The following AVEN variants were observed in gnomAD, a reference collection of about 807,000 sequenced individuals.
AVEN encodes the protein cell death regulator Aven.
A neutral mutation model predicts 38.1 loss-of-function variants in AVEN; 41 were observed. The observed-to-expected ratio is 1.08, with a 90% CI of 0.84 to 1.40. The LOEUF is 1.40. Among genes scored for constraint, AVEN ranks in the 40% most tolerant of loss-of-function variants. The probability of loss-of-function intolerance (pLI) is 0.00; values close to 1 mark genes in which losing one functional copy is unlikely to be tolerated. For synonymous variants in AVEN, 206 were observed against 171.8 expected, an observed-to-expected ratio of 1.20 and a Z score of -1.56; for missense variants, 605 against 438.8, an observed-to-expected ratio of 1.38 and a Z score of -3.38.
chr15:34,054,142 C>T (rs150974134), intron 5 of AVEN, among the ~76,000 whole-genome samples: 413 of 152,266 alleles, frequency 2.7e-3, no homozygotes, highest in African/African-American at 9.2e-3. Flanking sequence ...CATCTCATGC[C>T]AGTGAGAATG....
chr15:34,021,212 G>A (rs982378335), intron 1 of AVEN, among the ~76,000 whole-genome samples: 7 of 151,666 alleles, frequency 4.6e-5, no homozygotes, highest in Admixed American at 2.0e-4. Context: ...TGGAGATGGA[G>A]TTTTGCTCTG....
chr15:34,018,328 A>G (rs912536007), intron 1 of AVEN: 2 of 152,246 alleles, frequency 1.3e-5, no homozygotes, highest in African/African-American at 4.8e-5. Context: ...GAAGCCGCAG[A>G]CCGTCGCGGT....
chr15:33,993,961 A>G (rs768647411), intron 2 of AVEN, among the ~76,000 whole-genome samples: 101 of 152,206 alleles, frequency 6.6e-4, no homozygotes, highest in Admixed American at 1.8e-3. Context: ...TATTCATTCC[A>G]CTATTAATGA....
chr15:33,859,113 A>G, intron 11 of AVEN: 1 of 155,958 alleles, frequency 6.4e-6, no homozygotes, highest in East Asian at 1.9e-4. Flanking sequence ...CAGGAGGAGC[A>G]GAAAAGTCCA....
At chr15:33,922,419 G>C (rs1893430043) in intron 2 of AVEN, among the ~76,000 whole-genome samples, 2 of 136,458 alleles carry the variant, frequency 1.5e-5, no homozygotes, top group Admixed American at 7.8e-5. Context: ...TGATTCTTGT[G>C]AATGTGATTT....
Position 33,966,451 on chromosome 15 carries a change from C to T in AVEN, c.445+36581G>A, listed in dbSNP as rs146343555. Among the ~76,000 whole-genome samples, 680 of 152,218 alleles carry T rather than the reference C, an allele frequency of 4.5e-3. 7 individuals are homozygous for T. Among genetic ancestry groups the T allele is most frequent in the African/African-American group, 0.015 (639 of 41,544 alleles). On this transcript the variant is annotated intron_variant, in intron 2 of 5. Transcript: ENST00000306730. ...ACACAAAGCTCCCAAATGTTCATGC[C>T]ATAACATGACGTATGACAAGAGATA...
intron 2 of AVEN, among the ~76,000 whole-genome samples, chr15:33,961,565 G>A (rs1401352618): frequency 1.3e-5 from 2 of 151,944 alleles, no homozygotes; most frequent in African/African-American, 2.4e-5. Context: ...TGTAATCCCA[G>A]CACTTTGGGA....
intron 3 of AVEN, among the ~76,000 whole-genome samples, chr15:33,872,413 A>C (rs1471749964): frequency 1.3e-5 from 2 of 152,190 alleles, no homozygotes; most frequent in Non-Finnish European, 2.9e-5. Context: ...CCTCCTCAGA[A>C]TCTACAGCAA....
At chr15:33,918,597 C>A (rs766094562) in intron 2 of AVEN, among the ~76,000 whole-genome samples, 1 of 150,072 alleles carries the variant, frequency 6.7e-6, no homozygotes, top group South Asian at 2.1e-4. Context: ...CAGCCTCCTG[C>A]GCACACCACC....
chr15:33,955,964 A>C (rs1223440479), intron 2 of AVEN, among the ~76,000 whole-genome samples: 1 of 152,226 alleles, frequency 6.6e-6, no homozygotes, highest in Non-Finnish European at 1.5e-5. Context: ...ATATCTTTAA[A>C]CTATAATTTG....
Position 34,063,171 on chromosome 15 carries a change from G to A in AVEN, n.1388C>T. The A allele has an allele frequency of 6.2e-7, 1 of 1,614,156 alleles. No individual in the cohort carries two copies. The highest frequency in any genetic ancestry group is 1.6e-4 in the Middle Eastern group (1 of 6,062). ...TCCGAAAAGGGCTGGCATCATGATTGGCTTGGCCTGGCTGATCTCCTTCAT... is the reference window on the plus strand; with the variant it reads ...TCCGAAAAGGGCTGGCATCATGATTAGCTTGGCCTGGCTGATCTCCTTCAT... On this transcript the variant is annotated non_coding_transcript_exon_variant, in exon 5 of 12. Coordinates refer to the AVEN transcript ENST00000675287. The surrounding 1 kb of genome is among the most constrained non-coding windows in gnomAD (Gnocchi z 4.1).
intron 1 of AVEN, among the ~76,000 whole-genome samples, chr15:34,034,939 C>T (rs1899048245): frequency 1.3e-5 from 2 of 152,212 alleles, no homozygotes; most frequent in African/African-American, 4.8e-5. Context: ...GAGCTTTTAA[C>T]AGGCTCTCAG....
At chr15:34,018,949 A>T (rs1453610827) in intron 1 of AVEN, among the ~76,000 whole-genome samples, 3 of 151,806 alleles carry the variant, frequency 2.0e-5, no homozygotes, top group African/African-American at 7.3e-5. Flanking sequence ...ACAATCCTTC[A>T]GCTAGACACA....
At chr15:33,944,365 G>A (rs1314627387) in intron 2 of AVEN, among the ~76,000 whole-genome samples, 1 of 152,200 alleles carries the variant, frequency 6.6e-6, no homozygotes, top group Non-Finnish European at 1.5e-5. Flanking sequence ...CGTGTCCAGT[G>A]AATTGATCAA....
At chr15:33,897,789 G>C (rs1892299913) in intron 2 of AVEN, among the ~76,000 whole-genome samples, 1 of 152,142 alleles carries the variant, frequency 6.6e-6, no homozygotes, top group Non-Finnish European at 1.5e-5. Context: ...GGCTGAGGTA[G>C]GAGGGTGGCT....
chr15:33,930,852 G>A (rs2153050683), intron 2 of AVEN, among the ~76,000 whole-genome samples: 1 of 151,768 alleles, frequency 6.6e-6, no homozygotes, highest in African/African-American at 2.4e-5. Flanking sequence ...CTATTTGGGA[G>A]GCTGAGGCAG....
intron 2 of AVEN, among the ~76,000 whole-genome samples, chr15:33,943,567 G>C (rs926676726): frequency 6.6e-6 from 1 of 152,132 alleles, no homozygotes; most frequent in African/African-American, 2.4e-5. Flanking sequence ...CAATAGGCTG[G>C]GCACACGCCT....
At chr15:34,024,472 C>CAAAAAAA in intron 1 of AVEN, among the ~76,000 whole-genome samples, 1 of 101,944 alleles carries the variant, frequency 9.8e-6, no homozygotes, top group African/African-American at 4.0e-5. Context: ...GACCCTGTCT[C>CAAAAAAA]AAAAAAAAAA....
chr15:33,866,799 T>TATTACTTTCCTTACAAC, intron 5 of AVEN, 71 bp from the exon 6 acceptor site: 1 of 1,098,396 alleles, frequency 9.1e-7, no homozygotes, highest in East Asian at 2.4e-5. Context: ...CAGCCCAATT[T>TATTACTTTCCTTACAAC]ATTACTTTCC....
Sources: allele counts gnomAD v4.1 joint callset (sites outside exome capture counted in the v4.1 genomes callset), GRCh38; gene constraint gnomAD v4.1.1; non-coding constraint Gnocchi (gnomAD v3.1); transcripts MANE v1.5; gene names NCBI Gene and HGNC (gene_info 2026-07-23, HGNC 2026-07-21).